The following DPP6 variants were observed in gnomAD, a reference collection of about 807,000 sequenced individuals.
DPP6 encodes A-type potassium channel modulatory protein DPP6.
A neutral mutation model predicts 122.6 loss-of-function variants in DPP6; 69 were observed. The ratio of observed to expected loss-of-function variants is 0.56; its 90% CI spans 0.46 to 0.69. The LOEUF is 0.69. Among genes scored for constraint, DPP6 ranks in the 30% least tolerant of loss-of-function variants. The pLI is 0.00. For missense variants in DPP6, 928 were observed against 1,116.9 expected, an observed-to-expected ratio of 0.83 and a Z score of 2.41; for synonymous variants, 418 against 433.1, an observed-to-expected ratio of 0.97 and a Z score of 0.43.
At chr7:154,794,530 C>G (rs1797897761) in intron 11 of DPP6, among the ~76,000 whole-genome samples, 2 of 152,204 alleles carry the variant, frequency 1.3e-5, no homozygotes, top group Non-Finnish European at 1.5e-5. Context: ...GCGTCCTCCT[C>G]GTTGCAGCTG....
chr7:154,475,809 A>G (rs538430829), intron 3 of DPP6: 248 of 152,566 alleles, frequency 1.6e-3, no homozygotes, highest in Non-Finnish European at 3.0e-3. Flanking sequence ...CTTCAGTGGA[A>G]TACACTTGAA....
At chr7:154,787,380 C>T (rs542670144) in intron 10 of DPP6, among the ~76,000 whole-genome samples, 2 of 151,360 alleles carry the variant, frequency 1.3e-5, no homozygotes, top group East Asian at 1.9e-4. Flanking sequence ...GTCTTCCTTT[C>T]CCTACTGATT....
At chr7:154,686,853 G>A (rs868066913) in intron 7 of DPP6, among the ~76,000 whole-genome samples, 25 of 151,944 alleles carry the variant, frequency 1.6e-4, no homozygotes, top group African/African-American at 5.6e-4. Flanking sequence ...GTAATAAAAT[G>A]AGCACTCACA....
At chr7:154,155,684 A>G (rs1796642175) in intron 1 of DPP6, among the ~76,000 whole-genome samples, 1 of 152,216 alleles carries the variant, frequency 6.6e-6, no homozygotes, top group South Asian at 2.1e-4. Context: ...TGCAGTGAGT[A>G]TAAACTTCCA....
At chr7:154,634,162 TC>T (rs1388393202) in intron 5 of DPP6, among the ~76,000 whole-genome samples, 1 of 71,744 alleles carries the variant, frequency 1.4e-5, no homozygotes, top group Non-Finnish European at 2.5e-5. Flanking sequence ...CCCTCCCCCC[TC>T]CCCCCACCCC....
intron 1 of DPP6, among the ~76,000 whole-genome samples, chr7:154,170,575 A>G (rs937921635): frequency 6.6e-6 from 1 of 152,146 alleles, no homozygotes; most frequent in African/African-American, 2.4e-5. Flanking sequence ...TTCCTTATTT[A>G]TTACAATTTA....
intron 1 of DPP6, among the ~76,000 whole-genome samples, chr7:153,941,858 T>A (rs1287628701): frequency 6.6e-6 from 1 of 152,118 alleles, no homozygotes; most frequent in Non-Finnish European, 1.5e-5. Flanking sequence ...TCTCTCCCTC[T>A]CTCTGTTTCT....
intron 1 of DPP6, among the ~76,000 whole-genome samples, chr7:153,984,046 T>A (rs1796720417): frequency 7.1e-6 from 1 of 141,722 alleles, no homozygotes; most frequent in African/African-American, 2.7e-5. Flanking sequence ...ACAACCATTC[T>A]GTCCATAACA....
At chr7:154,639,805 GT>G (rs1250978036) in intron 6 of DPP6, among the ~76,000 whole-genome samples, 3 of 152,166 alleles carry the variant, frequency 2.0e-5, no homozygotes, top group Admixed American at 1.3e-4. Context: ...TGGTTTATTG[GT>G]TAGCTTTCAT....
At chr7:154,263,787 T>C (rs1438688887) in intron 1 of DPP6, among the ~76,000 whole-genome samples, 1 of 152,062 alleles carries the variant, frequency 6.6e-6, no homozygotes, top group Non-Finnish European at 1.5e-5. Context: ...ACCTACCAGG[T>C]TCAAGTGATT....
At chr7:154,185,866 T>A (rs934825103) in intron 1 of DPP6, among the ~76,000 whole-genome samples, 1 of 152,256 alleles carries the variant, frequency 6.6e-6, no homozygotes, top group Non-Finnish European at 1.5e-5. Flanking sequence ...CTGCATTCAC[T>A]GGGTAGAACC....
intron 1 of DPP6, among the ~76,000 whole-genome samples, chr7:154,062,508 G>A (rs1366270702): frequency 1.7e-4 from 3 of 17,258 alleles, no homozygotes; most frequent in Non-Finnish European, 3.0e-4. Flanking sequence ...CCCCCGCGAG[G>A]GTGGGGACTG....
intron 8 of DPP6, among the ~76,000 whole-genome samples, chr7:154,766,315 T>G (rs79492307): frequency 0.016 from 2,399 of 151,200 alleles, 63 homozygotes; most frequent in African/African-American, 0.055. Flanking sequence ...GTTCCCTTCT[T>G]TTATTTTATT....
intron 1 of DPP6, among the ~76,000 whole-genome samples, chr7:154,334,031 C>A (rs1809178386): frequency 6.6e-6 from 1 of 152,010 alleles, no homozygotes; most frequent in Non-Finnish European, 1.5e-5. Context: ...AAAATAATTT[C>A]AGCTTTGTTA....
rs900220557 is a variant in DPP6, at chr7:154,282,331, A to G, written c.244-163883A>G. On this transcript the variant is annotated intron_variant, in intron 1 of 25. Transcript: ENST00000377770. The surrounding 1 kb of genome is among the most constrained non-coding windows in gnomAD (Gnocchi z 4.8). Reference sequence around the variant, plus strand: ...CATGCTTCTCAGGTGGCCTCTGGATACACGTGTCCTTTGTGGCCTACAGAA... The same window carrying G: ...CATGCTTCTCAGGTGGCCTCTGGATGCACGTGTCCTTTGTGGCCTACAGAA... 6.6e-6 allele frequency among the ~76,000 whole-genome samples: 1 copy of G among 152,146 alleles called. No homozygotes were observed. Among genetic ancestry groups the G allele is most frequent in the African/African-American group, 2.4e-5 (1 of 41,436 alleles).
At chr7:154,313,339 A>G (rs944246488) in intron 1 of DPP6, among the ~76,000 whole-genome samples, 13 of 152,146 alleles carry the variant, frequency 8.5e-5, no homozygotes, top group South Asian at 2.1e-4. Flanking sequence ...GGGCACACAG[A>G]GATGGTTTGG....
chr7:154,732,125 G>T lies in DPP6; in HGVS notation c.883+4238G>T, dbSNP rs367566551. On this transcript the variant is annotated intron_variant, in intron 8 of 25. Coordinates refer to ENST00000377770, the MANE Select transcript of DPP6 (RefSeq NM_130797.4). Reference sequence around the variant, plus strand: ...GCAATCTCGGCTCACTGCAAGCTCCGCCTCCCAGGGTCACACCATTCTCCT... The same window carrying T: ...GCAATCTCGGCTCACTGCAAGCTCCTCCTCCCAGGGTCACACCATTCTCCT... 1.7e-4 allele frequency among the ~76,000 whole-genome samples: 26 copies of T among 151,562 alleles called. No individual in the cohort carries two copies. In the South Asian group the frequency reaches 5.2e-3, roughly 31 times the overall value.
At chr7:153,823,653 G>A in the DPP6 span, among the ~76,000 whole-genome samples, 83 of 150,812 alleles carry the variant, frequency 5.5e-4, 1 homozygote, top group African/African-American at 1.9e-3. Flanking sequence ...GATCAGGGAA[G>A]AGGACTCAGG....
the DPP6 span, among the ~76,000 whole-genome samples, chr7:153,823,977 C>A: frequency 2.0e-5 from 3 of 152,122 alleles, no homozygotes; most frequent in Non-Finnish European, 4.4e-5. Flanking sequence ...TTTGATTATT[C>A]AAGGAGATGC....
Sources: allele counts gnomAD v4.1 joint callset (sites outside exome capture counted in the v4.1 genomes callset), GRCh38; gene constraint gnomAD v4.1.1; non-coding constraint Gnocchi (gnomAD v3.1); transcripts MANE v1.5; gene names NCBI Gene and HGNC (gene_info 2026-07-23, HGNC 2026-07-21).